The following NREP variants were observed in gnomAD, a reference collection of about 807,000 sequenced individuals.
NREP encodes the protein neuronal regeneration-related protein.
A neutral mutation model predicts 8.6 loss-of-function variants in NREP; 5 were observed. The observed-to-expected ratio is 0.58, with a 90% CI of 0.30 to 1.22. NREP has a LOEUF of 1.22. Among genes scored for constraint, NREP ranks in the 50% most tolerant of loss-of-function variants. The probability of loss-of-function intolerance (pLI) is 0.07; values close to 1 mark genes in which losing one functional copy is unlikely to be tolerated. For synonymous variants in NREP, 27 were observed against 28.0 expected, an observed-to-expected ratio of 0.96 and a Z score of 0.11; for missense variants, 86 against 82.5, an observed-to-expected ratio of 1.04 and a Z score of -0.17.
intron 2 of NREP, among the ~76,000 whole-genome samples, chr5:111,826,322 G>A (rs992658752): frequency 6.6e-6 from 1 of 152,154 alleles, no homozygotes; most frequent in Admixed American, 6.5e-5. Flanking sequence ...GTAAAAGCAG[G>A]CCACGCGTCA....
intron 2 of NREP, among the ~76,000 whole-genome samples, chr5:111,899,930 A>G (rs943599415): frequency 2.6e-5 from 4 of 152,154 alleles, no homozygotes; most frequent in South Asian, 2.1e-4. Context: ...CAACAAAGAA[A>G]CATCAGACTT....
intron 2 of NREP, among the ~76,000 whole-genome samples, chr5:111,890,075 A>G (rs895144439): frequency 2.6e-5 from 4 of 152,146 alleles, no homozygotes; most frequent in African/African-American, 9.7e-5. Context: ...ATCTGGATGT[A>G]TATGTGCAGG....
At chr5:111,934,631 T>G (rs184101639) in intron 2 of NREP, among the ~76,000 whole-genome samples, 1 of 152,056 alleles carries the variant, frequency 6.6e-6, no homozygotes, top group African/African-American at 2.4e-5. Flanking sequence ...TCCTTGACTC[T>G]CAGGAGGAAT....
At chr5:111,743,044 A>G (rs6891015) in intron 2 of NREP, among the ~76,000 whole-genome samples, 9,168 of 152,250 alleles carry the variant, frequency 0.06, 663 homozygotes, top group African/African-American at 0.18. Flanking sequence ...TGAAGAGAAA[A>G]CAAAGTACAA....
At position 111,867,141 on chromosome 5, in the gene NREP, A is replaced by T. The variant is rs962366686; in HGVS notation, c.135+108133T>A. Among the ~76,000 whole-genome samples, 94 of 138,386 alleles carry T rather than the reference A, an allele frequency of 6.8e-4. 1 individual carries two copies. Among genetic ancestry groups the T allele is most frequent in the African/African-American group, 1.8e-3 (70 of 37,992 alleles). The allele number at this position is 138,386 out of a possible 152,430, so 90.8% of individuals were successfully genotyped here. The stretch of plus-strand genomic sequence containing the variant: ...GCACATGTACCCTAGAACTTTAATT[A>T]AAAAAAAAAAAAAGAAGGTGATGGT... On this transcript the variant is annotated intron_variant, in intron 2 of 3. Coordinates refer to the NREP transcript ENST00000395634.
At chr5:111,748,388 G>A (rs543514793) in intron 2 of NREP, among the ~76,000 whole-genome samples, 2 of 152,228 alleles carry the variant, frequency 1.3e-5, no homozygotes, top group South Asian at 2.1e-4. Context: ...TGCAGTGTCC[G>A]GCCATGACTC....
At chr5:111,869,924 GAA>G (rs773925221) in intron 2 of NREP, among the ~76,000 whole-genome samples, 22 of 152,162 alleles carry the variant, frequency 1.4e-4, no homozygotes, top group Non-Finnish European at 2.9e-4. Flanking sequence ...ATGCAGATCA[GAA>G]GAGACATTGT....
chr5:111,961,495 G>A (rs1756479422), intron 2 of NREP, among the ~76,000 whole-genome samples: 1 of 152,118 alleles, frequency 6.6e-6, no homozygotes, highest in Admixed American at 6.5e-5. Flanking sequence ...CCTTTAAATG[G>A]TAAAGACATG....
At chr5:111,944,297 T>G (rs1013489589) in intron 2 of NREP, among the ~76,000 whole-genome samples, 15 of 152,018 alleles carry the variant, frequency 9.9e-5, no homozygotes, top group African/African-American at 3.4e-4. Flanking sequence ...CTCATTCCTC[T>G]TTGTTCTTCC....
intron 2 of NREP, among the ~76,000 whole-genome samples, chr5:111,849,157 C>T (rs983606694): frequency 5.3e-5 from 8 of 152,076 alleles, no homozygotes; most frequent in Non-Finnish European, 1.0e-4. Flanking sequence ...CAGATATGAA[C>T]AAAACTCAGT....
chr5:111,803,526 A>C (rs1019056691), intron 2 of NREP, among the ~76,000 whole-genome samples: 3 of 152,118 alleles, frequency 2.0e-5, no homozygotes, highest in African/African-American at 7.2e-5. Flanking sequence ...TTGATATTTC[A>C]GCATTTGGGG....
At position 111,953,722 on chromosome 5, in the gene NREP, T is replaced by A. The variant is rs572708035; in HGVS notation, c.135+21552A>T. The stretch of plus-strand genomic sequence containing the variant: ...AGAACAGGGAACAATGAATTCTGCT[T>A]GGGAAAGAGGAGGAAAATTTCTTAG... On this transcript the variant is annotated intron_variant, in intron 2 of 3. Transcript: ENST00000395634. 9.9e-5 allele frequency among the ~76,000 whole-genome samples: 15 copies of A among 152,030 alleles called. 1 individual carries two copies. Among genetic ancestry groups the A allele is most frequent in the Admixed American group, 9.8e-4 (15 of 15,248 alleles).
chr5:111,937,682 C>A (rs1032322631), intron 2 of NREP, among the ~76,000 whole-genome samples: 4 of 152,000 alleles, frequency 2.6e-5, no homozygotes, highest in Non-Finnish European at 5.9e-5. Context: ...AAAAATCTGC[C>A]CCAAGTCCCC....
chr5:111,804,221 G>T (rs1452529608), intron 2 of NREP, among the ~76,000 whole-genome samples: 1 of 152,108 alleles, frequency 6.6e-6, no homozygotes, highest in Non-Finnish European at 1.5e-5. Flanking sequence ...TTCAGAAAGA[G>T]AATATATATA....
intron 3 of NREP, among the ~76,000 whole-genome samples, chr5:111,731,492 T>C (rs1581018994): frequency 1.3e-5 from 2 of 151,110 alleles, no homozygotes; most frequent in African/African-American, 2.4e-5. Flanking sequence ...TATTTTCTAA[T>C]ATGTAATAAA....
At chr5:111,742,409 G>A (rs1378059670) in intron 2 of NREP, among the ~76,000 whole-genome samples, 1 of 152,066 alleles carries the variant, frequency 6.6e-6, no homozygotes, top group Non-Finnish European at 1.5e-5. Context: ...AAAGGAAAAG[G>A]AAATCTCCTT....
intron 2 of NREP, among the ~76,000 whole-genome samples, chr5:111,871,683 T>C (rs1753794293): frequency 6.6e-6 from 1 of 151,776 alleles, no homozygotes; most frequent in African/African-American, 2.4e-5. Flanking sequence ...TTTTTAAACT[T>C]TTTTGTTCAA....
chr5:111,974,343 C>G (rs1401241951), intron 2 of NREP: 1 of 152,122 alleles, frequency 6.6e-6, no homozygotes, highest in Non-Finnish European at 1.5e-5. Flanking sequence ...GATGTGGAAA[C>G]AGGGTAAAGC....
rs149120658 is a variant in NREP at position 111,888,571 on chromosome 5, G to A, written c.135+86703C>T. Among the ~76,000 whole-genome samples the A allele has an allele frequency of 6.3e-4, 96 of 152,248 alleles. 1 individual carries two copies. Among genetic ancestry groups the A allele is most frequent in the African/African-American group, 2.2e-3 (91 of 41,532 alleles). On this transcript the variant is annotated intron_variant, in intron 2 of 3. Transcript: ENST00000395634. Reference sequence around the variant, plus strand: ...CCCACCTTTGACATGTGGGGATTACGGAGATTACAATTAAAGGTGAGATTT... The same window carrying A: ...CCCACCTTTGACATGTGGGGATTACAGAGATTACAATTAAAGGTGAGATTT...
Sources: gnomAD v4.1 joint callset for allele counts (sites outside exome capture counted in the v4.1 genomes callset) on GRCh38, gnomAD v4.1.1 for gene constraint, MANE v1.5 for transcripts, NCBI Gene and HGNC (gene_info 2026-07-23, HGNC 2026-07-21) for gene names.